Variants in DLG2 observed in about 807,000 individuals in gnomAD.
DLG2 encodes discs large MAGUK scaffold protein 2.
DLG2 carries 45 observed loss-of-function variants against 132.5 expected under a neutral mutation model. The observed-to-expected ratio is 0.34, with a 90% confidence interval of 0.27 to 0.44. DLG2 has a LOEUF of 0.44. Among genes scored for constraint, DLG2 ranks in the 20% least tolerant of loss-of-function variants. The pLI is 1.00. For missense variants in DLG2, 1,045 were observed against 1,196.9 expected (o/e 0.87, Z 1.87); for synonymous variants, 424 against 419.6 (o/e 1.01, Z -0.13).
chr11:85,166,645 A>T (rs72945903), intron 4 of DLG2, among the ~76,000 whole-genome samples: 7,862 of 151,286 alleles, frequency 0.052, 299 homozygotes, highest in East Asian at 0.096. Context: ...CCTAGAATAT[A>T]AAAAAAAAGG....
intron 4 of DLG2, among the ~76,000 whole-genome samples, chr11:85,157,836 TTGTA>T (rs2077701162): frequency 6.6e-6 from 1 of 152,080 alleles, no homozygotes; most frequent in Admixed American, 6.6e-5. Context: ...AACACTGAGT[TTGTA>T]AACTCTGACG....
chr11:83,514,863 C>T (rs1005980007), intron 21 of DLG2, among the ~76,000 whole-genome samples: 28 of 152,350 alleles, frequency 1.8e-4, no homozygotes, highest in African/African-American at 6.0e-4. Context: ...ACCAACCTTG[C>T]ATCCCAGGGA....
intron 6 of DLG2, among the ~76,000 whole-genome samples, chr11:84,859,398 GTATATATACATATATATGTATA>G (rs1566174612): frequency 5.1e-5 from 7 of 137,754 alleles, no homozygotes; most frequent in African/African-American, 1.9e-4. Context: ...ACATATATAT[GTATATATACATATATATGTATA>G]CATATACATA....
chr11:85,091,352 C>A (rs1050113085), intron 6 of DLG2, among the ~76,000 whole-genome samples: 1 of 152,130 alleles, frequency 6.6e-6, no homozygotes, highest in African/African-American at 2.4e-5. Flanking sequence ...GAGTCACGAC[C>A]TTTTTGCTAG....
chr11:84,856,780 C>T (rs1037114509), intron 6 of DLG2, among the ~76,000 whole-genome samples: 1 of 152,036 alleles, frequency 6.6e-6, no homozygotes, highest in Non-Finnish European at 1.5e-5. Flanking sequence ...CTCTGCCTCT[C>T]CTAGTGTCTG....
chr11:85,534,487 C>T (rs2075439656), intron 3 of DLG2, among the ~76,000 whole-genome samples: 1 of 152,060 alleles, frequency 6.6e-6, no homozygotes, highest in Non-Finnish European at 1.5e-5. Context: ...TCAGCCCTTG[C>T]CCCACTCCCT....
chr11:85,232,570 C>T (rs1040527940), intron 4 of DLG2, among the ~76,000 whole-genome samples: 2 of 151,858 alleles, frequency 1.3e-5, no homozygotes, highest in East Asian at 1.9e-4. Flanking sequence ...ATGAGTATGT[C>T]ATCTGGACAA....
At chr11:84,443,857 T>C (rs1332891590) in intron 7 of DLG2, among the ~76,000 whole-genome samples, 1 of 152,190 alleles carries the variant, frequency 6.6e-6, no homozygotes, top group African/African-American at 2.4e-5. Context: ...TGTTTTGTCA[T>C]ACAGAGCCTT....
chr11:84,094,675 A>C (rs2097142403), intron 10 of DLG2, among the ~76,000 whole-genome samples: 1 of 152,170 alleles, frequency 6.6e-6, no homozygotes, highest in Non-Finnish European at 1.5e-5. Flanking sequence ...GCACTAATAT[A>C]AGCCAGGGCT....
intron 7 of DLG2, among the ~76,000 whole-genome samples, chr11:84,363,572 T>G (rs898327779): frequency 4.0e-5 from 6 of 151,676 alleles, no homozygotes; most frequent in African/African-American, 7.3e-5. Context: ...GTTTTAGACA[T>G]GAAGTCCTTG....
At chr11:85,430,642 C>G (rs547574425) in intron 3 of DLG2, among the ~76,000 whole-genome samples, 3 of 152,196 alleles carry the variant, frequency 2.0e-5, no homozygotes, top group African/African-American at 7.2e-5. Flanking sequence ...TGCTTGGTAG[C>G]TCAGATTTGA....
rs138274711 is a variant in DLG2, at chr11:84,031,441, A to G, written c.919+27874T>C. ...CTATTAGACTTGAGTAGATTTTATTATAATAAATGATCTGCCTGAGATTGT... is the reference window on the plus strand; with the variant it reads ...CTATTAGACTTGAGTAGATTTTATTGTAATAAATGATCTGCCTGAGATTGT... On this transcript the variant is annotated intron_variant, in intron 11 of 27. Coordinates refer to ENST00000376104, the MANE Select transcript of DLG2 (RefSeq NM_001142699.3). 1.9e-3 allele frequency among the ~76,000 whole-genome samples: 295 copies of G among 152,284 alleles called. 1 individual carries two copies. Among genetic ancestry groups the G allele is most frequent in the Middle Eastern group, 0.014 (4 of 294 alleles).
chr11:85,266,379 T>C (rs1306489877), intron 4 of DLG2, among the ~76,000 whole-genome samples: 2 of 152,182 alleles, frequency 1.3e-5, no homozygotes, highest in African/African-American at 4.8e-5. Flanking sequence ...AAACACCGCA[T>C]GTTCTCGCTC....
At chr11:85,459,103 G>A (rs1473225578) in intron 3 of DLG2, among the ~76,000 whole-genome samples, 1 of 152,218 alleles carries the variant, frequency 6.6e-6, no homozygotes, top group Non-Finnish European at 1.5e-5. Flanking sequence ...CTTCTCCCTA[G>A]TGCAAGAGCA....
At chr11:84,054,504 T>C (rs970043681) in intron 11 of DLG2, among the ~76,000 whole-genome samples, 1 of 152,036 alleles carries the variant, frequency 6.6e-6, no homozygotes, top group Non-Finnish European at 1.5e-5. Context: ...AATGACCAAA[T>C]CTATAACTGT....
At chr11:85,036,148 T>C (rs1260629723) in intron 6 of DLG2, among the ~76,000 whole-genome samples, 1 of 152,244 alleles carries the variant, frequency 6.6e-6, no homozygotes, top group Non-Finnish European at 1.5e-5. Flanking sequence ...CCTGGAATTT[T>C]CTTTTCCCTG....
chr11:83,488,818 C>T (rs17145292), intron 21 of DLG2, among the ~76,000 whole-genome samples: 6,780 of 152,018 alleles, frequency 0.045, 158 homozygotes, highest in Middle Eastern at 0.088. Flanking sequence ...TGTTACTGTA[C>T]ATTTGGGCCA....
intron 6 of DLG2, among the ~76,000 whole-genome samples, chr11:84,965,273 G>GTT (rs1027315974): frequency 2.6e-5 from 4 of 151,890 alleles, no homozygotes; most frequent in African/African-American, 9.7e-5. Context: ...CAGTGGCTGG[G>GTT]TTTTTGTGTG....
intron 6 of DLG2, among the ~76,000 whole-genome samples, chr11:84,656,271 T>G (rs982470122): frequency 6.6e-6 from 1 of 152,108 alleles, no homozygotes; most frequent in Non-Finnish European, 1.5e-5. Context: ...TCTGAAGTAT[T>G]CAGAAATATA....
Sources: allele counts gnomAD v4.1 joint callset (sites outside exome capture counted in the v4.1 genomes callset), GRCh38; gene constraint gnomAD v4.1.1; transcripts MANE v1.5; gene names NCBI Gene and HGNC (gene_info 2026-07-23, HGNC 2026-07-21).